Variants in HLTF observed in about 807,000 individuals in gnomAD.
HLTF encodes the protein helicase like transcription factor.
Under a neutral mutation model 129.4 loss-of-function variants are expected in HLTF, and 127 were observed. The ratio of observed to expected loss-of-function variants is 0.98; its 90% CI spans 0.85 to 1.14. The LOEUF (loss-of-function observed/expected upper bound fraction) is 1.14, where lower values mean the gene tolerates loss of function less well. Ranked by LOEUF, HLTF falls within the 50% of genes most tolerant of loss-of-function variation. The pLI is 0.00. For synonymous variants in HLTF, 332 were observed against 388.8 expected, an observed-to-expected ratio of 0.85 and a Z score of 1.72; for missense variants, 1,139 against 1,187.1, an observed-to-expected ratio of 0.96 and a Z score of 0.60.
rs950675110 is a variant in HLTF at position 149,062,957 on chromosome 3, C to A, written c.1160+474G>T. 6 of 407,810 alleles carry A rather than the reference C, an allele frequency of 1.5e-5. No homozygotes were observed. In the Admixed American group the frequency reaches 1.7e-4, roughly 12 times the overall value. The allele number at this position is 407,810 out of a possible 1,614,324, so 25.3% of individuals were successfully genotyped here. A position where few individuals can be genotyped will look rare whatever the true frequency, so the allele number is the denominator to read the frequency against. On this transcript the variant is annotated intron_variant, in intron 10 of 24. Transcript: ENST00000310053. ...CTTCTTCATCTGTAAAATGAGAATACTCTATCTGCCTAAGTCATAGTGATC... is the reference window on the plus strand; with the variant it reads ...CTTCTTCATCTGTAAAATGAGAATAATCTATCTGCCTAAGTCATAGTGATC...
At chr3:149,044,375 G>A (rs577326052) in intron 18 of HLTF, among the ~76,000 whole-genome samples, 122 of 151,876 alleles carry the variant, frequency 8.0e-4, no homozygotes, top group African/African-American at 2.8e-3. Context: ...TTATTCCCTG[G>A]CATGGTCATA....
intron 5 of HLTF, among the ~76,000 whole-genome samples, chr3:149,072,637 T>C (rs1482749156): frequency 1.3e-5 from 2 of 152,194 alleles, no homozygotes; most frequent in East Asian, 3.8e-4. Context: ...GGGGCTTATC[T>C]ACCAGAAACA....
intron 2 of HLTF, among the ~76,000 whole-genome samples, chr3:149,080,861 T>C (rs1012758748): frequency 6.6e-6 from 1 of 151,876 alleles, no homozygotes; most frequent in East Asian, 1.9e-4. Context: ...ACAAAAGGAA[T>C]GAGAATTAAT....
chr3:149,071,948 G>A (rs974683184), intron 5 of HLTF, among the ~76,000 whole-genome samples: 1 of 152,080 alleles, frequency 6.6e-6, no homozygotes, highest in African/African-American at 2.4e-5. Flanking sequence ...GGCTCCTAGG[G>A]ATGCTGAGAT....
chr3:149,047,411 G>A (rs1445247072), intron 17 of HLTF, among the ~76,000 whole-genome samples: 4 of 152,144 alleles, frequency 2.6e-5, no homozygotes, highest in African/African-American at 9.7e-5. Flanking sequence ...GGAGGTCGAG[G>A]CAAGAGGATA....
rs917590813 is a variant in HLTF, at chr3:149,063,644, C to G, written c.1067-120G>C. ...TTTCAGTTTTCTTAAGATCTTCATT[C>G]CTTTCATTACTCTATTTTCTCTACT... On this transcript the variant is annotated intron_variant, in intron 9 of 24. Transcript: ENST00000310053. 1.5e-5 allele frequency: 9 copies of G among 599,970 alleles called. No homozygotes were observed. The African/African-American group carries it at 1.5e-4, about 10-fold the overall frequency. 37.2% of individuals were successfully genotyped at this position (599,970 alleles called of 1,614,324 possible).
chr3:149,073,253 T>C lies in HLTF; in HGVS notation c.599A>G (p.His200Arg). Residue 200 changes from histidine to arginine, a missense_variant, in exon 5 of 25, where the codon CAT becomes CGT. Coordinates refer to ENST00000310053, the MANE Select transcript of HLTF (RefSeq NM_003071.4). ...TTCAGTTGTCATCTGTACTGCAGCA[T>C]GCACTGGCATACTATAGCTTGGTCC... ...RAGPSYSMPVHAAVQMTTEQL... is the reference protein window; with the variant it reads ...RAGPSYSMPVRAAVQMTTEQL... 11 of 1,612,480 alleles carry C rather than the reference T, an allele frequency of 6.8e-6. No homozygotes were observed. The highest frequency in any genetic ancestry group is 9.3e-6 in the Non-Finnish European group (11 of 1,178,838).
At chr3:149,051,235 T>A (rs1199950817) in intron 14 of HLTF, among the ~76,000 whole-genome samples, 71 of 140,234 alleles carry the variant, frequency 5.1e-4, no homozygotes, top group Non-Finnish European at 3.4e-4. Flanking sequence ...TAAGGAAGTT[T>A]AAAAAAAAAA....
intron 18 of HLTF, among the ~76,000 whole-genome samples, chr3:149,043,737 A>G (rs1238646442): frequency 6.6e-6 from 1 of 152,176 alleles, no homozygotes; most frequent in Non-Finnish European, 1.5e-5. Flanking sequence ...ACAAATTTTT[A>G]GAGCTAGCTG....
intron 24 of HLTF, among the ~76,000 whole-genome samples, chr3:149,033,384 T>C (rs1469557333): frequency 6.6e-6 from 1 of 152,122 alleles, no homozygotes; most frequent in East Asian, 1.9e-4. Flanking sequence ...TCTCAAGATA[T>C]CTTAAATGGG....
At chr3:149,054,659 A>G (rs1576594118) in intron 14 of HLTF, among the ~76,000 whole-genome samples, 3 of 152,174 alleles carry the variant, frequency 2.0e-5, no homozygotes, top group Non-Finnish European at 1.5e-5. Context: ...TTCCATTCCA[A>G]TGTCAATGTT....
Position 149,073,294 on chromosome 3 carries a change from C to T in HLTF, c.558G>A (p.Trp186Ter). The change falls in exon 5 of 25, where the codon TGG (tryptophan) becomes TGA (stop). Residue 186 changes from tryptophan to a stop codon, truncating the protein, a stop_gained. Coordinates refer to ENST00000310053, the MANE Select transcript of HLTF (RefSeq NM_003071.4). LOFTEE classifies it high-confidence loss of function. Reference sequence around the variant, plus strand: ...AGCTTGGTCCAGCTCTTCCAGAGCCCCAACCACTTTCCAAATTGAATCCTA... The same window carrying T: ...AGCTTGGTCCAGCTCTTCCAGAGCCTCAACCACTTTCCAAATTGAATCCTA... ...KTLGFNLESG[W>*]GSGRAGPSYS... 2 of 1,612,238 alleles carry T rather than the reference C, an allele frequency of 1.2e-6. No homozygotes were observed. Among genetic ancestry groups the T allele is most frequent in the South Asian group, 1.1e-5 (1 of 90,714 alleles).
intron 18 of HLTF, among the ~76,000 whole-genome samples, 167 bp from the exon 19 acceptor site, chr3:149,042,457 C>A (rs764873252): frequency 1.1e-4 from 16 of 151,988 alleles, no homozygotes; most frequent in Non-Finnish European, 1.8e-4. Flanking sequence ...AGATCTATAA[C>A]AATAAGGCAC....
intron 10 of HLTF, chr3:149,063,062 T>C (rs1043952779): frequency 6.6e-6 from 3 of 456,814 alleles, no homozygotes; most frequent in African/African-American, 6.0e-5. Context: ...TATCTCTCTC[T>C]TTTTCTTTTT....
At chr3:149,083,893 T>G (rs1720101637) in intron 2 of HLTF, among the ~76,000 whole-genome samples, 1 of 147,598 alleles carries the variant, frequency 6.8e-6, no homozygotes. Context: ...CACTCCAGCC[T>G]GGGCAACAAA....
At chr3:149,052,386 G>A (rs927314831) in intron 14 of HLTF, among the ~76,000 whole-genome samples, 4 of 151,924 alleles carry the variant, frequency 2.6e-5, no homozygotes, top group African/African-American at 9.7e-5. Context: ...TAAAGGCCTG[G>A]GATCCAAAGA....
Position 149,048,062 on chromosome 3 carries a change from G to A in HLTF, c.1858C>T (p.Arg620Cys). 2 of 1,610,356 alleles carry A rather than the reference G, an allele frequency of 1.2e-6. No individual in the cohort carries two copies. The highest frequency in any genetic ancestry group is 1.1e-5 in the South Asian group (1 of 90,418). The change falls in exon 17 of 25, where the codon CGT becomes TGT. Residue 620 changes from arginine to cysteine, a missense_variant. By Grantham distance (180) the Arg-to-Cys change is radical (BLOSUM62 -3). Transcript: ENST00000310053. ...CCTTCATCTCCCATTGTGACAGGAC[G>A]CTGTATTGTTCTATGCCACCATTCT... The part of the protein sequence containing the change: ...DREWWHRTIQ[R>C]PVTMGDEGGL...
At chr3:149,075,544 A>AAAAT (rs149453804) in intron 3 of HLTF, among the ~76,000 whole-genome samples, 18 of 152,112 alleles carry the variant, frequency 1.2e-4, no homozygotes, top group East Asian at 5.8e-4. Context: ...ACTTCGTCTC[A>AAAAT]AAATAAATAA....
At position 149,034,955 on chromosome 3, in the gene HLTF, T is replaced by C. The variant is rs1426192701; in HGVS notation, c.2840A>G (p.His947Arg). The change falls in exon 24 of 25, where the codon CAT (histidine) becomes CGT (arginine). Residue 947 changes from histidine (H) to arginine (R), a missense_variant. Physicochemically the swap from His to Arg is conservative, Grantham distance 29. Transcript: ENST00000310053. ...AACTTCTTGCTTCTGACCAAGTCTATGGCATCTGTCAAAGCACTGATCTTC... is the reference window on the plus strand; with the variant it reads ...AACTTCTTGCTTCTGACCAAGTCTACGGCATCTGTCAAAGCACTGATCTTC... ...AAEDQCFDRC[H>R]RLGQKQEVII... The C allele has an allele frequency of 6.2e-7, 1 of 1,613,882 alleles. No individual in the cohort carries two copies. The highest frequency in any genetic ancestry group is 1.3e-5 in the African/African-American group (1 of 74,950).
Sources: gnomAD v4.1 joint callset for allele counts (sites outside exome capture counted in the v4.1 genomes callset) on GRCh38, gnomAD v4.1.1 for gene constraint, MANE v1.5 for transcripts, NCBI Gene and HGNC (gene_info 2026-07-23, HGNC 2026-07-21) for gene names.